FOXR1: variants seen among roughly 807,000 people sequenced by gnomAD.
FOXR1 encodes forkhead box protein R1.
A neutral mutation model predicts 34.5 loss-of-function variants in FOXR1; 25 were observed. That is an observed-to-expected ratio of 0.72 (90% CI 0.53 to 1.01). The LOEUF (loss-of-function observed/expected upper bound fraction) is 1.01, where lower values mean the gene tolerates loss of function less well. FOXR1 is among the 50% of genes least tolerant of loss of function. The pLI, the probability that FOXR1 is intolerant of heterozygous loss-of-function variation, is 0.00. For missense variants in FOXR1, 373 were observed against 376.2 expected, an observed-to-expected ratio of 0.99 and a Z score of 0.07; for synonymous variants, 153 against 141.6, an observed-to-expected ratio of 1.08 and a Z score of -0.57.
intron 1 of FOXR1, among the ~76,000 whole-genome samples, chr11:118,972,824 A>ATGTT (rs1424823451): frequency 6.6e-6 from 1 of 151,912 alleles, no homozygotes; most frequent in East Asian, 1.9e-4. Context: ...GAGTTTCACC[A>ATGTT]TGTTGTCCAT....
At chr11:118,972,327 T>C (rs1425483256) in intron 1 of FOXR1, among the ~76,000 whole-genome samples, 1 of 152,060 alleles carries the variant, frequency 6.6e-6, no homozygotes, top group Non-Finnish European at 1.5e-5. Context: ...CCAAGGCCTC[T>C]TCTGGGTCTT....
In FOXR1 at chr11:118,980,703, T is replaced by C. The variant is rs1400276178; in HGVS notation, c.825T>C (p.Ser275=). 1.9e-5 allele frequency: 30 copies of C among 1,613,260 alleles called. No homozygotes were observed. Among genetic ancestry groups the C allele is most frequent in the Non-Finnish European group, 2.4e-5 (28 of 1,180,008 alleles). Residue 275 remains serine, a synonymous_variant, in exon 5 of 6, where the codon AGT becomes AGC. Transcript: ENST00000317011. The part of the protein sequence containing the change: ...ARALASTRLE[S]IQQCMSQPDV... ...CCTTGGCTTCCACTCGGCTAGAAAG[T>C]ATCCAACAGTGCATGAGCCAGCCAG...
At chr11:118,978,074 C>T (rs1272438367) in intron 1 of FOXR1, among the ~76,000 whole-genome samples, 2 of 151,982 alleles carry the variant, frequency 1.3e-5, no homozygotes, top group African/African-American at 2.4e-5. Context: ...AAAAATTAGC[C>T]GGGTGTGGTG....
chr11:118,978,368 G>A (rs1236368198), intron 1 of FOXR1, among the ~76,000 whole-genome samples: 1 of 152,050 alleles, frequency 6.6e-6, no homozygotes, highest in African/African-American at 2.4e-5. Flanking sequence ...AAAAATACAA[G>A]AATACAGGAG....
Position 118,981,213 on chromosome 11 carries a change from A to C in FOXR1, c.856A>C (p.Met286Leu), listed in dbSNP as rs1167367248. 1 of 1,614,146 alleles carries C rather than the reference A, an allele frequency of 6.2e-7. No individual in the cohort carries two copies. Among genetic ancestry groups the C allele is most frequent in the South Asian group, 1.1e-5 (1 of 91,082 alleles). ...ACTCTCTCCTTTTCTTACAGATGTG[A>C]TGCCCTTCCTCTTTGATCTTTAACC... ...IQQCMSQPDV[M>L]PFLFDL Residue 286 changes from methionine to leucine, a missense_variant, in exon 6 of 6, where the codon ATG becomes CTG. Met to Leu is a conservative substitution (Grantham distance 15). Coordinates refer to ENST00000317011, the MANE Select transcript of FOXR1 (RefSeq NM_181721.3).
At position 118,978,984 on chromosome 11, in the gene FOXR1, T is replaced by C. The variant is rs782030325; in HGVS notation, c.164T>C (p.Met55Thr). The change falls in exon 3 of 6, where the codon ATG becomes ACG. Residue 55 changes from methionine (M) to threonine (T), a missense_variant. Physicochemically the swap from Met to Thr is moderately conservative, Grantham distance 81 (BLOSUM62 -1). Transcript: ENST00000317011. ...CCAGATTATGAGCCCAACCTCTGGATGTGGGTAAATCCCAACATTGTGTAT... is the reference window on the plus strand; with the variant it reads ...CCAGATTATGAGCCCAACCTCTGGACGTGGGTAAATCCCAACATTGTGTAT... ...DGPDYEPNLW[M>T]WVNPNIVYPP... 3.7e-6 allele frequency: 6 copies of C among 1,604,196 alleles called. No homozygotes were observed. The highest frequency in any genetic ancestry group is 8.5e-7 in the Non-Finnish European group (1 of 1,174,198).
At chr11:118,980,380 C>G in intron 4 of FOXR1, 110 bp from the exon 5 acceptor site, 2 of 1,249,858 alleles carry the variant, frequency 1.6e-6, no homozygotes, top group African/African-American at 1.5e-5. Context: ...TTGCTACTAT[C>G]CCCCTGGAGA....
At position 118,979,509 on chromosome 11, in the gene FOXR1, A is replaced by G. The variant is rs782207324; in HGVS notation, c.452A>G (p.Lys151Arg). The change falls in exon 4 of 6, where the codon AAA becomes AGA. Residue 151 changes from lysine (K) to arginine (R), a missense_variant. Lys to Arg is a conservative substitution (Grantham distance 26). Transcript: ENST00000317011. ...SSSMALPSPH[K>R]RAPLQSRRLR... ...TCTATGGCTCTCCCATCCCCTCACA[A>G]AAGGGCCCCCCTCCAGAGTCGGAGG... The G allele has an allele frequency of 6.2e-7, 1 of 1,613,282 alleles. No individual in the cohort carries two copies. Among genetic ancestry groups the G allele is most frequent in the South Asian group, 1.1e-5 (1 of 90,926 alleles).
chr11:118,977,505 G>A (rs188318877), intron 1 of FOXR1, among the ~76,000 whole-genome samples: 15 of 151,976 alleles, frequency 9.9e-5, no homozygotes, highest in Middle Eastern at 3.4e-3. Flanking sequence ...GCAGTGAGCC[G>A]GTGTCACACC....
At chr11:118,974,163 G>A (rs1462018890) in intron 1 of FOXR1, among the ~76,000 whole-genome samples, 2 of 152,184 alleles carry the variant, frequency 1.3e-5, no homozygotes, top group East Asian at 3.8e-4. Flanking sequence ...CAAAGGGTGT[G>A]GTTGAGAGCA....
intron 1 of FOXR1, among the ~76,000 whole-genome samples, chr11:118,976,605 G>T (rs1326345212): frequency 6.6e-6 from 1 of 152,202 alleles, no homozygotes; most frequent in South Asian, 2.1e-4. Context: ...ATAAGTTCCT[G>T]TATTAACTTG....
At chr11:118,980,828 A>G in intron 5 of FOXR1, 100 bp downstream of exon 5, 1 of 1,133,746 alleles carries the variant, frequency 8.8e-7, no homozygotes, top group Non-Finnish European at 1.2e-6. Flanking sequence ...GGGGTGGGGG[A>G]ATGCATCTTC....
At chr11:118,972,106 G>T (rs1941713002) in intron 1 of FOXR1, 114 bp downstream of exon 1, 1 of 881,934 alleles carries the variant, frequency 1.1e-6, no homozygotes, top group East Asian at 4.5e-5. Flanking sequence ...TCCCGGGGAG[G>T]CTTGGGGGGC....
intron 1 of FOXR1, 46 bp downstream of exon 1, chr11:118,972,038 G>GT (rs1290968984): frequency 6.7e-7 from 1 of 1,486,928 alleles, no homozygotes; most frequent in African/African-American, 1.4e-5. Flanking sequence ...GTGGCGGAGG[G>GT]TGGCCTAGGG....
At position 118,972,597 on chromosome 11, in the gene FOXR1, G is replaced by T. The variant is rs1019869870; in HGVS notation, c.61+605G>T. Among the ~76,000 whole-genome samples the T allele has an allele frequency of 1.3e-4, 19 of 148,036 alleles. 1 individual carries two copies. The highest frequency in any genetic ancestry group is 3.0e-5 in the Non-Finnish European group (2 of 67,000). ...ATTCATGGTACCTTTTCGCCTGCAA[G>T]ACCCTTGGATTAACTCTTTTTTTTT... On this transcript the variant is annotated intron_variant, in intron 1 of 5. Coordinates refer to ENST00000317011, the MANE Select transcript of FOXR1 (RefSeq NM_181721.3).
intron 1 of FOXR1, among the ~76,000 whole-genome samples, chr11:118,976,282 C>G (rs141215412): frequency 6.6e-6 from 1 of 152,234 alleles, no homozygotes; most frequent in African/African-American, 2.4e-5. Context: ...TGCAACCTCC[C>G]TTTTCCCGCT....
intron 1 of FOXR1, among the ~76,000 whole-genome samples, chr11:118,972,726 G>A (rs940863863): frequency 6.6e-5 from 10 of 151,926 alleles, no homozygotes; most frequent in African/African-American, 1.7e-4. Context: ...GGGTTCAAAC[G>A]ATTCTCCCGC....
chr11:118,971,795 A>T lies in FOXR1; in HGVS notation c.-137A>T, dbSNP rs1338992399. 3.3e-6 allele frequency: 3 copies of T among 898,332 alleles called. No homozygotes were observed. Among genetic ancestry groups the T allele is most frequent in the Non-Finnish European group, 5.3e-6 (3 of 569,024 alleles). The allele number at this position is 898,332 out of a possible 1,614,324, so 55.6% of individuals were successfully genotyped here. A position where few individuals can be genotyped will look rare whatever the true frequency, so the allele number is the denominator to read the frequency against. On this transcript the variant is annotated 5_prime_UTR_variant, in exon 1 of 6. Coordinates refer to ENST00000317011, the MANE Select transcript of FOXR1 (RefSeq NM_181721.3). ...AAGGCGCCTGTGAGGGTCGCTCCTCAGCCGCCGCGCTCCCACTCCGCGTCC... is the reference window on the plus strand; with the variant it reads ...AAGGCGCCTGTGAGGGTCGCTCCTCTGCCGCCGCGCTCCCACTCCGCGTCC...
At chr11:118,981,080 C>A in intron 5 of FOXR1, 128 bp from the exon 6 acceptor site, 1 of 896,308 alleles carries the variant, frequency 1.1e-6, no homozygotes, top group Non-Finnish European at 1.9e-6. Flanking sequence ...TGCAGGGAGG[C>A]TTCAGAGAAG....
Sources: gnomAD v4.1 joint callset for allele counts (sites outside exome capture counted in the v4.1 genomes callset) on GRCh38, gnomAD v4.1.1 for gene constraint, MANE v1.5 for transcripts, NCBI Gene and HGNC (gene_info 2026-07-23, HGNC 2026-07-21) for gene names.